ELMO1: variants seen among roughly 807,000 people sequenced by gnomAD.
ELMO1 encodes engulfment and cell motility protein 1.
ELMO1 carries 26 observed loss-of-function variants against 98.9 expected under a neutral mutation model. That is an observed-to-expected ratio of 0.26 (90% CI 0.19 to 0.36). ELMO1 has a LOEUF of 0.36. Ranked by LOEUF, ELMO1 falls within the 10% of genes least tolerant of loss-of-function variation. The pLI, the probability that ELMO1 is intolerant of heterozygous loss-of-function variation, is 1.00. For missense variants in ELMO1, 627 were observed against 935.2 expected (o/e 0.67, Z 4.30); for synonymous variants, 346 against 346.0 (o/e 1.00, Z 0.00).
intron 16 of ELMO1, among the ~76,000 whole-genome samples, chr7:36,976,139 A>C (rs1432633927): frequency 6.6e-6 from 1 of 152,196 alleles, no homozygotes; most frequent in Non-Finnish European, 1.5e-5. Context: ...ATGGGCACAG[A>C]TGTGTCCCAA....
chr7:36,981,485 A>G (rs2129143861), intron 16 of ELMO1, among the ~76,000 whole-genome samples: 1 of 152,328 alleles, frequency 6.6e-6, no homozygotes, highest in Non-Finnish European at 1.5e-5. Context: ...CAAAATTTGT[A>G]GAATTGAATA....
chr7:36,973,953 A>C (rs1790241591), intron 16 of ELMO1, among the ~76,000 whole-genome samples: 1 of 152,098 alleles, frequency 6.6e-6, no homozygotes, highest in African/African-American at 2.4e-5. Context: ...TCAATTTCTC[A>C]CTGGGCCTTA....
intron 16 of ELMO1, among the ~76,000 whole-genome samples, chr7:36,916,654 C>G (rs1272300318): frequency 6.6e-6 from 1 of 152,228 alleles, no homozygotes; most frequent in East Asian, 1.9e-4. Flanking sequence ...GAAGGCAACA[C>G]TTGTGTGGGC....
chr7:37,277,353 G>A (rs1796896889), intron 4 of ELMO1, among the ~76,000 whole-genome samples: 1 of 152,236 alleles, frequency 6.6e-6, no homozygotes, highest in Admixed American at 6.5e-5. Flanking sequence ...ATGGCCCTCT[G>A]GGCATAGGCA....
Position 37,075,729 on chromosome 7 carries a change from G to C in ELMO1, c.1300+20890C>G, listed in dbSNP as rs544414936. ...GAGGGGGAGAAGCCTAGGGATATGG[G>C]GACATCACAAAGAGCCAGAAGTGGC... On this transcript the variant is annotated intron_variant, in intron 15 of 21. Transcript: ENST00000310758. 1.7e-3 allele frequency among the ~76,000 whole-genome samples: 260 copies of C among 152,160 alleles called. 5 individuals carry two copies. Among genetic ancestry groups the C allele is most frequent in the African/African-American group, 6.0e-3 (247 of 41,500 alleles).
At chr7:37,102,244 G>A (rs1381226314) in intron 14 of ELMO1, among the ~76,000 whole-genome samples, 1 of 152,150 alleles carries the variant, frequency 6.6e-6, no homozygotes, top group Non-Finnish European at 1.5e-5. Context: ...CAATGCTAAT[G>A]ATGATTGGTC....
At chr7:37,168,312 G>A (rs926871619) in intron 13 of ELMO1, among the ~76,000 whole-genome samples, 1 of 150,748 alleles carries the variant, frequency 6.6e-6, no homozygotes, top group Non-Finnish European at 1.5e-5. Context: ...TAGTTTGATC[G>A]TCTGAAGCCT....
chr7:37,135,392 GAA>G (rs1319970956), intron 13 of ELMO1, among the ~76,000 whole-genome samples: 2 of 152,130 alleles, frequency 1.3e-5, no homozygotes, highest in African/African-American at 4.8e-5. Context: ...CCCTTTGAAG[GAA>G]CTGGATCACC....
At chr7:37,270,159 ATTCATTC>A (rs1390576815) in intron 5 of ELMO1, 1 of 152,216 alleles carries the variant, frequency 6.6e-6, no homozygotes, top group Admixed American at 6.5e-5. Context: ...TCAAATTAAC[ATTCATTC>A]ATGCTGACTT....
intron 5 of ELMO1, among the ~76,000 whole-genome samples, chr7:37,259,747 A>G (rs908047485): frequency 3.3e-5 from 5 of 152,240 alleles, no homozygotes; most frequent in Non-Finnish European, 7.3e-5. Flanking sequence ...TTAGTTAAGC[A>G]ATTACACAAA....
At chr7:37,162,797 A>C (rs1189523736) in intron 13 of ELMO1, among the ~76,000 whole-genome samples, 1 of 152,230 alleles carries the variant, frequency 6.6e-6, no homozygotes, top group East Asian at 1.9e-4. Context: ...GCTAGGTTAC[A>C]TGCAAAGCTG....
At chr7:37,136,217 G>A (rs1787253160) in intron 13 of ELMO1, among the ~76,000 whole-genome samples, 1 of 152,122 alleles carries the variant, frequency 6.6e-6, no homozygotes, top group Non-Finnish European at 1.5e-5. Flanking sequence ...CAAGAAGTAT[G>A]GGACTATGTT....
chr7:37,060,562 T>C (rs1300170872), intron 15 of ELMO1, among the ~76,000 whole-genome samples: 1 of 152,136 alleles, frequency 6.6e-6, no homozygotes, highest in Non-Finnish European at 1.5e-5. Flanking sequence ...CTATGCCAAC[T>C]GGGTGACACT....
chr7:36,965,782 C>A (rs1789373086), intron 16 of ELMO1, among the ~76,000 whole-genome samples: 1 of 152,188 alleles, frequency 6.6e-6, no homozygotes, highest in Non-Finnish European at 1.5e-5. Flanking sequence ...ATCATTTCCT[C>A]TGCATTACCT....
At chr7:37,113,799 G>T (rs771876343) in intron 14 of ELMO1, among the ~76,000 whole-genome samples, 7 of 152,200 alleles carry the variant, frequency 4.6e-5, no homozygotes, top group African/African-American at 7.2e-5. Flanking sequence ...ATAAGAAGCA[G>T]TGCCAACAGG....
chr7:36,908,264 A>C (rs1784102486), intron 16 of ELMO1, among the ~76,000 whole-genome samples: 2 of 152,332 alleles, frequency 1.3e-5, no homozygotes, highest in South Asian at 4.1e-4. Flanking sequence ...AATAGTGAAC[A>C]AATTCTAGAC....
rs1383842693 is a variant in ELMO1, at chr7:36,879,712, A to C, written c.1715-1595T>G. 2.0e-5 allele frequency among the ~76,000 whole-genome samples: 3 copies of C among 152,224 alleles called. No homozygotes were observed. The East Asian group carries it at 5.8e-4, about 29-fold the overall frequency. On this transcript the variant is annotated intron_variant, in intron 18 of 21. Coordinates refer to ENST00000310758, the MANE Select transcript of ELMO1 (RefSeq NM_014800.11). The stretch of plus-strand genomic sequence containing the variant: ...CAGAGTACGGCAATCCATAGATTTA[A>C]AGGAATCTGAACTCTAGTGGAAAAA...
rs532289585 is a variant in ELMO1, at chr7:36,935,024, G to C, written c.1438-40007C>G. Among the ~76,000 whole-genome samples, 11 of 152,278 alleles carry C rather than the reference G, an allele frequency of 7.2e-5. No individual in the cohort carries two copies. The East Asian group carries it at 2.1e-3, about 29-fold the overall frequency. On this transcript the variant is annotated intron_variant, in intron 16 of 21. Coordinates refer to ENST00000310758, the MANE Select transcript of ELMO1 (RefSeq NM_014800.11). ...CAAGTTTTTCCTGAGAGGCTGTTTG[G>C]GTATTGCCTTTGATATGGTTTGGCT...
intron 17 of ELMO1, among the ~76,000 whole-genome samples, chr7:36,889,017 C>A (rs1341320783): frequency 6.6e-6 from 1 of 152,164 alleles, no homozygotes; most frequent in African/African-American, 2.4e-5. Flanking sequence ...GAAGGGGAAA[C>A]AACTCGTGGA....
Sources: gnomAD v4.1 joint callset for allele counts (sites outside exome capture counted in the v4.1 genomes callset) on GRCh38, gnomAD v4.1.1 for gene constraint, MANE v1.5 for transcripts, NCBI Gene and HGNC (gene_info 2026-07-23, HGNC 2026-07-21) for gene names.